Variants in RAB11FIP4 observed in about 807,000 individuals in gnomAD.
The protein encoded by RAB11FIP4 is rab11 family-interacting protein 4.
A neutral mutation model predicts 74.3 loss-of-function variants in RAB11FIP4; 23 were observed. That is an observed-to-expected ratio of 0.31 (90% CI 0.22 to 0.44). RAB11FIP4 has a LOEUF of 0.44. RAB11FIP4 is among the 20% of genes least tolerant of loss of function. The pLI is 1.00. For synonymous variants in RAB11FIP4, 360 were observed against 359.9 expected, an observed-to-expected ratio of 1.00 and a Z score of 0.00; for missense variants, 630 against 863.9, an observed-to-expected ratio of 0.73 and a Z score of 3.39.
chr17:31,505,498 A>G (rs1454808010), intron 3 of RAB11FIP4, among the ~76,000 whole-genome samples: 4 of 84,302 alleles, frequency 4.7e-5, no homozygotes, highest in Admixed American at 2.0e-4. Flanking sequence ...ATATATAATT[A>G]TTATATTATA....
intron 3 of RAB11FIP4, among the ~76,000 whole-genome samples, chr17:31,453,792 CAAA>C (rs555119408): frequency 3.2e-5 from 2 of 62,626 alleles, no homozygotes; most frequent in African/African-American, 5.3e-5. Flanking sequence ...AGACTCGTCT[CAAA>C]AAAAAAAAAA....
At chr17:31,416,241 T>C (rs12945269) in intron 1 of RAB11FIP4, among the ~76,000 whole-genome samples, 1 of 152,146 alleles carries the variant, frequency 6.6e-6, no homozygotes, top group African/African-American at 2.4e-5. Flanking sequence ...TCCTCCAGGA[T>C]GCTTTCCACA....
intron 3 of RAB11FIP4, among the ~76,000 whole-genome samples, chr17:31,463,108 C>T (rs1284933286): frequency 6.6e-6 from 1 of 152,214 alleles, no homozygotes; most frequent in Non-Finnish European, 1.5e-5. Context: ...AAGCCATCAA[C>T]ATGAGGAGGC....
chr17:31,412,627 G>C (rs141618660), intron 1 of RAB11FIP4, among the ~76,000 whole-genome samples: 1 of 152,274 alleles, frequency 6.6e-6, no homozygotes, highest in Non-Finnish European at 1.5e-5. Flanking sequence ...GAAGGGGCGG[G>C]GCCACCTTAA....
chr17:31,465,863 G>C (rs964958637), intron 3 of RAB11FIP4: 8 of 151,806 alleles, frequency 5.3e-5, no homozygotes, highest in Non-Finnish European at 1.0e-4. Context: ...AGCCAGGTGC[G>C]GTGGCTCATG....
At chr17:31,458,879 C>T (rs1170183959) in intron 3 of RAB11FIP4, among the ~76,000 whole-genome samples, 2 of 152,204 alleles carry the variant, frequency 1.3e-5, no homozygotes, top group East Asian at 1.9e-4. Flanking sequence ...TGGGGTTTAG[C>T]TGGCAGCTGT....
At chr17:31,519,754 C>G (rs751730567) in intron 4 of RAB11FIP4, among the ~76,000 whole-genome samples, 43 of 152,160 alleles carry the variant, frequency 2.8e-4, no homozygotes, top group Non-Finnish European at 5.9e-4. Flanking sequence ...TTCTCAAACT[C>G]AAGTGATTCT....
intron 3 of RAB11FIP4, among the ~76,000 whole-genome samples, chr17:31,441,464 G>A (rs61167619): frequency 0.02 from 2,981 of 152,140 alleles, 93 homozygotes; most frequent in African/African-American, 0.067. Flanking sequence ...GTATAGGATA[G>A]GTTTTCATTT....
chr17:31,509,496 G>A (rs2072413659), intron 3 of RAB11FIP4: 1 of 152,384 alleles, frequency 6.6e-6, no homozygotes, highest in African/African-American at 2.4e-5. Context: ...GTTTCAGGAG[G>A]TGGATCCGGG....
chr17:31,443,574 C>CTTGCT (rs2071424740), intron 3 of RAB11FIP4, among the ~76,000 whole-genome samples: 2 of 152,174 alleles, frequency 1.3e-5, no homozygotes, highest in South Asian at 4.1e-4. Flanking sequence ...CCAGCAGCTT[C>CTTGCT]TTGCTAGGCT....
intron 1 of RAB11FIP4, among the ~76,000 whole-genome samples, chr17:31,428,975 G>A (rs181189971): frequency 1.3e-5 from 2 of 151,806 alleles, no homozygotes; most frequent in African/African-American, 4.8e-5. Context: ...TGATGATGAT[G>A]ATGATTATTA....
intron 3 of RAB11FIP4, among the ~76,000 whole-genome samples, chr17:31,474,488 A>G (rs566898438): frequency 3.9e-5 from 6 of 152,182 alleles, no homozygotes; most frequent in Non-Finnish European, 8.8e-5. Context: ...CCTGGCCAAT[A>G]TGATGAAACC....
intron 3 of RAB11FIP4, among the ~76,000 whole-genome samples, chr17:31,466,590 C>T (rs762368548): frequency 1.3e-5 from 2 of 152,196 alleles, no homozygotes; most frequent in Non-Finnish European, 2.9e-5. Flanking sequence ...CTTCTACACT[C>T]GTCCCACATA....
chr17:31,523,445 G>A lies in RAB11FIP4; in HGVS notation c.930-67G>A, dbSNP rs1468420396. On this transcript the variant is annotated intron_variant, in intron 7 of 14. Coordinates refer to ENST00000621161, the MANE Select transcript of RAB11FIP4 (RefSeq NM_032932.6). ...GGGGTACTGGATGCTCGCCTAGCCAGTAGTGTGAGTAGGCCCCTGTCTCTG... is the reference window on the plus strand; with the variant it reads ...GGGGTACTGGATGCTCGCCTAGCCAATAGTGTGAGTAGGCCCCTGTCTCTG... 9.5e-6 allele frequency: 12 copies of A among 1,262,668 alleles called. No homozygotes were observed. In the East Asian group the frequency reaches 2.3e-4, roughly 24 times the overall value. The allele number at this position is 1,262,668 out of a possible 1,614,324, so 78.2% of individuals were successfully genotyped here.
chr17:31,402,189 G>GCATCCATCCATC (rs373691832), intron 1 of RAB11FIP4, among the ~76,000 whole-genome samples: 1 of 103,292 alleles, frequency 9.7e-6, no homozygotes, highest in African/African-American at 7.5e-5. Context: ...ATCTGTCCAT[G>GCATCCATCCATC]CATCCATCCA....
In RAB11FIP4 at chr17:31,532,012, T is replaced by A. The variant is rs2072880674; in HGVS notation, c.*280T>A. The A allele has an allele frequency of 2.9e-6, 1 of 347,488 alleles. No homozygotes were observed. The highest frequency in any genetic ancestry group is 5.3e-6 in the Non-Finnish European group (1 of 188,850). The allele number at this position is 347,488 out of a possible 1,614,324, so 21.5% of individuals were successfully genotyped here. ...GGAAGTGGGAGGAGGCAAGGTCTGC[T>A]ATCAGGAGTTACTGTAAAAACAAGA... On this transcript the variant is annotated 3_prime_UTR_variant, in exon 15 of 15. Transcript: ENST00000621161.
At chr17:31,442,027 C>T (rs1370863382) in intron 3 of RAB11FIP4, among the ~76,000 whole-genome samples, 2 of 149,624 alleles carry the variant, frequency 1.3e-5, no homozygotes, top group African/African-American at 2.5e-5. Context: ...GAGACGGAGT[C>T]TCACTCTGTC....
intron 3 of RAB11FIP4, among the ~76,000 whole-genome samples, chr17:31,492,910 C>G (rs999883839): frequency 6.6e-6 from 1 of 152,080 alleles, no homozygotes; most frequent in African/African-American, 2.4e-5. Flanking sequence ...CCCAGACAAC[C>G]TTGGTGGTTA....
chr17:31,420,087 TTTC>T (rs2071184904), intron 1 of RAB11FIP4, among the ~76,000 whole-genome samples: 1 of 152,178 alleles, frequency 6.6e-6, no homozygotes, highest in African/African-American at 2.4e-5. Context: ...AGATTATCTA[TTTC>T]TTCTTGCATG....
Sources: allele counts gnomAD v4.1 joint callset (sites outside exome capture counted in the v4.1 genomes callset), GRCh38; gene constraint gnomAD v4.1.1; transcripts MANE v1.5; gene names NCBI Gene and HGNC (gene_info 2026-07-23, HGNC 2026-07-21).